The following FRMD4A variants were observed in gnomAD, a reference collection of about 807,000 sequenced individuals.
The protein encoded by FRMD4A is FERM domain containing 4A.
In FRMD4A, 29 loss-of-function variants were observed where a neutral mutation model predicts 129.1. The ratio of observed to expected loss-of-function variants is 0.22; its 90% CI spans 0.17 to 0.31. FRMD4A has a LOEUF of 0.31. Among genes scored for constraint, FRMD4A ranks in the 10% least tolerant of loss-of-function variants. FRMD4A has a pLI of 1.00. For missense variants in FRMD4A, 1,272 were observed against 1,375.8 expected, an observed-to-expected ratio of 0.92 and a Z score of 1.19; for synonymous variants, 634 against 571.6, an observed-to-expected ratio of 1.11 and a Z score of -1.56.
chr10:13,651,283 C>G (rs781141050), intron 24 of FRMD4A: 2 of 152,508 alleles, frequency 1.3e-5, no homozygotes, highest in Admixed American at 1.3e-4. Context: ...ACAGCTGTTA[C>G]TCAAGAATGC....
At chr10:14,300,773 A>G (rs925505210) in intron 2 of FRMD4A, among the ~76,000 whole-genome samples, 2 of 152,238 alleles carry the variant, frequency 1.3e-5, no homozygotes, top group Non-Finnish European at 2.9e-5. Flanking sequence ...TAAGAAACTA[A>G]GGCCAGAATG....
intron 2 of FRMD4A, among the ~76,000 whole-genome samples, chr10:14,208,637 C>T (rs1034101985): frequency 2.6e-5 from 4 of 152,088 alleles, no homozygotes; most frequent in African/African-American, 9.7e-5. Context: ...CCACTCACCC[C>T]CTGCCTACAG....
intron 2 of FRMD4A, among the ~76,000 whole-genome samples, chr10:14,278,429 T>C (rs1845411866): frequency 1.3e-5 from 2 of 152,324 alleles, no homozygotes; most frequent in South Asian, 4.1e-4. Context: ...TTCTTGTTAG[T>C]ATTTTGAAAA....
At chr10:13,672,563 C>T (rs1032839873) in intron 16 of FRMD4A, among the ~76,000 whole-genome samples, 3 of 151,992 alleles carry the variant, frequency 2.0e-5, no homozygotes, top group African/African-American at 4.8e-5. Context: ...TTTCACCATC[C>T]ACTTGAAGGT....
intron 2 of FRMD4A, among the ~76,000 whole-genome samples, chr10:13,863,679 G>A (rs1170121622): frequency 1.3e-5 from 2 of 151,892 alleles, no homozygotes; most frequent in South Asian, 2.1e-4. Context: ...ATATATAGGA[G>A]TAGATGTGCA....
intron 2 of FRMD4A, among the ~76,000 whole-genome samples, chr10:13,954,837 G>T (rs944387581): frequency 1.3e-5 from 2 of 152,122 alleles, no homozygotes; most frequent in African/African-American, 4.8e-5. Flanking sequence ...TTGGTGCAGG[G>T]TCTTCTCTCA....
intron 2 of FRMD4A, among the ~76,000 whole-genome samples, chr10:13,873,695 A>G (rs10906527): frequency 1 from 151,812 of 152,074 alleles, 75,777 homozygotes; most frequent in Middle Eastern, 1. Flanking sequence ...TACAGGCACC[A>G]GCCACCATGC....
At chr10:14,159,604 A>G (rs1353103821) in intron 2 of FRMD4A, among the ~76,000 whole-genome samples, 1 of 152,218 alleles carries the variant, frequency 6.6e-6, no homozygotes, top group African/African-American at 2.4e-5. Context: ...TACCAATGAC[A>G]TTCTTTACAA....
chr10:14,054,727 G>A (rs940732527), intron 2 of FRMD4A, among the ~76,000 whole-genome samples: 3 of 152,126 alleles, frequency 2.0e-5, no homozygotes, highest in Non-Finnish European at 2.9e-5. Flanking sequence ...ATCTTGAATT[G>A]TAGCTCCCAT....
chr10:14,129,852 A>T (rs1839147443), intron 2 of FRMD4A, among the ~76,000 whole-genome samples: 1 of 152,022 alleles, frequency 6.6e-6, no homozygotes, highest in Non-Finnish European at 1.5e-5. Context: ...AAACTGGCAA[A>T]CTTCCTTGCC....
intron 13 of FRMD4A, among the ~76,000 whole-genome samples, chr10:13,704,890 G>A (rs1033986312): frequency 6.6e-6 from 1 of 150,440 alleles, no homozygotes; most frequent in African/African-American, 2.5e-5. Flanking sequence ...GGGCAACACT[G>A]TGAGACCCAG....
chr10:13,916,482 T>C (rs2095008258), intron 2 of FRMD4A, among the ~76,000 whole-genome samples: 1 of 152,226 alleles, frequency 6.6e-6, no homozygotes, highest in African/African-American at 2.4e-5. Context: ...TAGTGCCATT[T>C]ATTGACTAAC....
intron 8 of FRMD4A, among the ~76,000 whole-genome samples, chr10:13,748,610 GGAGGCTCA>G (rs2130638404): frequency 6.6e-6 from 1 of 152,028 alleles, no homozygotes; most frequent in South Asian, 2.1e-4. Flanking sequence ...TTGCTTTTGA[GGAGGCTCA>G]GAAACTACTT....
Position 13,828,216 on chromosome 10 carries a change from T to C in FRMD4A, c.112-17308A>G, listed in dbSNP as rs78166983. Among the ~76,000 whole-genome samples the C allele has an allele frequency of 3.7e-3, 566 of 152,362 alleles. 1 individual carries two copies. The highest frequency in any genetic ancestry group is 0.013 in the African/African-American group (535 of 41,588). On this transcript the variant is annotated intron_variant, in intron 3 of 24. Transcript: ENST00000357447. ...GTGGTACAAGTGCAGTTTTGCTACA[T>C]GGATATACTATGCAGTGGCAAAGTC...
intron 15 of FRMD4A, chr10:13,693,292 G>T (rs971341228): frequency 2.9e-5 from 5 of 171,268 alleles, no homozygotes; most frequent in Admixed American, 2.8e-4. Flanking sequence ...AAGTCAGTCA[G>T]ATCCAGGACC....
Position 13,654,560 on chromosome 10 carries a change from C to T in FRMD4A, c.2954-48G>A, listed in dbSNP as rs1325016611. 15 of 1,264,066 alleles carry T rather than the reference C, an allele frequency of 1.2e-5. No homozygotes were observed. The South Asian group carries it at 1.2e-4, about 11-fold the overall frequency. The allele number at this position is 1,264,066 out of a possible 1,614,324, so 78.3% of individuals were successfully genotyped here. On this transcript the variant is annotated intron_variant, in intron 22 of 24. Coordinates refer to ENST00000357447, the MANE Select transcript of FRMD4A (RefSeq NM_018027.5). Reference sequence around the variant, plus strand: ...AGGCAGAGAGCAGACAGGGATCAGACACAGGTGAAAGAGCTTGCGACTTGT... The same window carrying T: ...AGGCAGAGAGCAGACAGGGATCAGATACAGGTGAAAGAGCTTGCGACTTGT...
At chr10:13,980,931 C>T (rs951108510) in intron 2 of FRMD4A, among the ~76,000 whole-genome samples, 3 of 152,100 alleles carry the variant, frequency 2.0e-5, no homozygotes, top group Admixed American at 1.3e-4. Context: ...TATATTCAAA[C>T]TCCAAGTGAG....
chr10:14,153,291 G>T lies in FRMD4A; in HGVS notation c.45+176767C>A, dbSNP rs566259441. 3.3e-5 allele frequency among the ~76,000 whole-genome samples: 5 copies of T among 152,314 alleles called. No individual in the cohort carries two copies. In the East Asian group the frequency reaches 5.8e-4, roughly 18 times the overall value. ...TGCAGATATATTAAGGTTCACACTT[G>T]CTCCACATGGATGCTAACTTTTGTG... On this transcript the variant is annotated intron_variant, in intron 2 of 24. Transcript: ENST00000357447.
intron 2 of FRMD4A, among the ~76,000 whole-genome samples, chr10:14,187,929 G>A (rs1842198650): frequency 6.6e-6 from 1 of 152,134 alleles, no homozygotes; most frequent in Non-Finnish European, 1.5e-5. Flanking sequence ...CCCGGGAGAT[G>A]ACGATGGAAT....
Sources: gnomAD v4.1 joint callset for allele counts (sites outside exome capture counted in the v4.1 genomes callset) on GRCh38, gnomAD v4.1.1 for gene constraint, MANE v1.5 for transcripts, NCBI Gene and HGNC (gene_info 2026-07-23, HGNC 2026-07-21) for gene names.